Variants in NT5E observed in about 807,000 individuals in gnomAD.
NT5E encodes the protein 5'-nucleotidase ecto.
NT5E carries 53 observed loss-of-function variants against 55.1 expected under a neutral mutation model. The ratio of observed to expected loss-of-function variants is 0.96; its 90% confidence interval spans 0.77 to 1.21. The LOEUF is 1.21. Among genes scored for constraint, NT5E ranks in the 50% most tolerant of loss-of-function variants. The probability of loss-of-function intolerance (pLI) is 0.00; values close to 1 mark genes in which losing one functional copy is unlikely to be tolerated. For missense variants in NT5E, 683 were observed against 724.3 expected, an observed-to-expected ratio of 0.94 and a Z score of 0.65; for synonymous variants, 270 against 278.4, an observed-to-expected ratio of 0.97 and a Z score of 0.30.
chr6:85,491,052 C>A (rs752097027), intron 7 of NT5E: 2 of 532,054 alleles, frequency 3.8e-6, no homozygotes, highest in African/African-American at 1.9e-5. Flanking sequence ...GGAATGCTGT[C>A]CAATCTGTAT....
chr6:85,476,868 G>A (rs1769447745), intron 3 of NT5E, among the ~76,000 whole-genome samples: 3 of 152,206 alleles, frequency 2.0e-5, no homozygotes, highest in South Asian at 2.1e-4. Context: ...TCCACTGCCA[G>A]TGGATCCTGG....
Position 85,450,546 on chromosome 6 carries a change from C to T in NT5E, c.339+68C>T, listed in dbSNP as rs780937795. ...GAGAGGAGCCGGGCTGGAAAAGCAG[C>T]GGATGGCAGAGTGTGGCAAGCCTAG... On this transcript the variant is annotated intron_variant, in intron 1 of 8. Transcript: ENST00000257770. The surrounding 1 kb of genome is among the most constrained non-coding windows in gnomAD (Gnocchi z 4.0). 3 of 1,436,544 alleles carry T rather than the reference C, an allele frequency of 2.1e-6. No homozygotes were observed. The highest frequency in any genetic ancestry group is 2.5e-5 in the East Asian group (1 of 40,624). The allele number at this position is 1,436,544 out of a possible 1,614,324, so 89.0% of individuals were successfully genotyped here.
chr6:85,486,913 A>T (rs1769677486), intron 4 of NT5E, among the ~76,000 whole-genome samples: 1 of 152,202 alleles, frequency 6.6e-6, no homozygotes, highest in South Asian at 2.1e-4. Context: ...CACAGCACCC[A>T]GGTGAGCCTG....
chr6:85,467,128 A>G lies in NT5E; in HGVS notation c.408A>G (p.Lys136=). The G allele has an allele frequency of 6.2e-7, 1 of 1,614,158 alleles. No individual in the cohort carries two copies. The highest frequency in any genetic ancestry group is 8.5e-7 in the Non-Finnish European group (1 of 1,180,024). ...GLIEPLLKEA[K]FPILSANIKA... The stretch of plus-strand genomic sequence containing the variant: ...TCGAGCCACTCCTCAAAGAGGCCAA[A>G]TTTCCAATTCTGAGTGCAAACATTA... The change falls in exon 2 of 9, where the codon AAA becomes AAG. Residue 136 remains lysine, a synonymous_variant. Coordinates refer to ENST00000257770, the MANE Select transcript of NT5E (RefSeq NM_002526.4).
chr6:85,480,582 T>C (rs1006195032), intron 3 of NT5E, among the ~76,000 whole-genome samples: 9 of 152,230 alleles, frequency 5.9e-5, no homozygotes, highest in Admixed American at 5.9e-4. Flanking sequence ...ACTGGAGAGC[T>C]GGAGGGACTG....
chr6:85,481,240 A>AT (rs956327052), intron 3 of NT5E, among the ~76,000 whole-genome samples: 3 of 152,208 alleles, frequency 2.0e-5, no homozygotes, highest in African/African-American at 7.2e-5. Flanking sequence ...CCCTGATCAG[A>AT]TTTTTTAAAA....
intron 3 of NT5E, among the ~76,000 whole-genome samples, chr6:85,479,445 C>A (rs779799731): frequency 2.2e-4 from 33 of 152,192 alleles, no homozygotes; most frequent in Non-Finnish European, 4.6e-4. Flanking sequence ...GCCTTCCATT[C>A]CAGATGACCT....
chr6:85,474,534 C>G (rs1351103865), intron 3 of NT5E, among the ~76,000 whole-genome samples: 1 of 152,182 alleles, frequency 6.6e-6, no homozygotes, highest in African/African-American at 2.4e-5. Flanking sequence ...ATAACTAATA[C>G]TTAGTCATTT....
At chr6:85,490,698 C>T (rs1219443184) in intron 7 of NT5E, 41 bp downstream of exon 7, 2 of 1,610,478 alleles carry the variant, frequency 1.2e-6, no homozygotes, top group Non-Finnish European at 1.7e-6. Flanking sequence ...TCCAAAGTGA[C>T]ATGGCATTTC....
intron 7 of NT5E, among the ~76,000 whole-genome samples, chr6:85,491,521 C>T (rs755593671): frequency 3.7e-4 from 56 of 152,334 alleles, no homozygotes; most frequent in Middle Eastern, 3.4e-3. Flanking sequence ...GAGGGAAAAG[C>T]AGTTTTCTGA....
chr6:85,454,428 A>G (rs2127753731), intron 1 of NT5E, among the ~76,000 whole-genome samples: 1 of 152,312 alleles, frequency 6.6e-6, no homozygotes, highest in East Asian at 1.9e-4. Flanking sequence ...ATAACTAGTG[A>G]GTTTGGACAT....
chr6:85,455,626 T>C (rs900622192), intron 1 of NT5E, among the ~76,000 whole-genome samples: 1 of 152,296 alleles, frequency 6.6e-6, no homozygotes, highest in African/African-American at 2.4e-5. Context: ...AGCAAGTTAA[T>C]TGAAGCCAAG....
At chr6:85,453,497 A>C (rs1398766999) in intron 1 of NT5E, among the ~76,000 whole-genome samples, 3 of 152,162 alleles carry the variant, frequency 2.0e-5, no homozygotes, top group African/African-American at 7.2e-5. Flanking sequence ...ACCATTGCCT[A>C]AACTATTTTT....
rs1471100412 is a variant in NT5E, at chr6:85,494,256, T to G, written c.*252T>G. 2.1e-6 allele frequency: 1 copy of G among 479,572 alleles called. No individual in the cohort carries two copies. Among genetic ancestry groups the G allele is most frequent in the Non-Finnish European group, 3.7e-6 (1 of 271,698 alleles). The allele number at this position is 479,572 out of a possible 1,614,324, so 29.7% of individuals were successfully genotyped here. ...CTATGTTAAGTTTACGTGTCCAAAT[T>G]TTAATGAAATTTTACTAACAATTTT... On this transcript the variant is annotated 3_prime_UTR_variant, in exon 9 of 9. Transcript: ENST00000257770.
chr6:85,489,461 A>T, intron 5 of NT5E, 33 bp from the exon 6 acceptor site: 1 of 1,459,762 alleles, frequency 6.9e-7, no homozygotes. Context: ...GAAGAGCCAG[A>T]GTAACTAGTG....
Position 85,467,309 on chromosome 6 carries a change from T to C in NT5E, c.562+27T>C, listed in dbSNP as rs2127720395. 5.7e-6 allele frequency: 9 copies of C among 1,571,566 alleles called. No individual in the cohort carries two copies. The East Asian group carries it at 1.8e-4, about 31-fold the overall frequency. Reference sequence around the variant, plus strand: ...TATTTTCTACTTTTATAGCACTCAATGCTTGAAAATAGATGCCCTAAATCA... The same window carrying C: ...TATTTTCTACTTTTATAGCACTCAACGCTTGAAAATAGATGCCCTAAATCA... On this transcript the variant is annotated intron_variant, in intron 2 of 8. Transcript: ENST00000257770.
At chr6:85,471,890 G>A (rs981524118) in intron 3 of NT5E, among the ~76,000 whole-genome samples, 3 of 152,150 alleles carry the variant, frequency 2.0e-5, no homozygotes, top group Non-Finnish European at 2.9e-5. Context: ...CCTCGAGTGT[G>A]AGTCCTAACT....
intron 3 of NT5E, among the ~76,000 whole-genome samples, chr6:85,478,771 T>C (rs1222519032): frequency 6.6e-6 from 1 of 151,458 alleles, no homozygotes; most frequent in African/African-American, 2.4e-5. Flanking sequence ...AGAACTGACA[T>C]ATTTATCTTA....
chr6:85,472,852 C>T (rs962051837), intron 3 of NT5E, among the ~76,000 whole-genome samples: 7 of 151,824 alleles, frequency 4.6e-5, no homozygotes, highest in African/African-American at 1.7e-4. Context: ...TAATTTCAAA[C>T]TGAGTTAAAC....
Sources: gnomAD v4.1 joint callset for allele counts (sites outside exome capture counted in the v4.1 genomes callset) on GRCh38, gnomAD v4.1.1 for gene constraint, Gnocchi (gnomAD v3.1) non-coding constraint, MANE v1.5 for transcripts, NCBI Gene and HGNC (gene_info 2026-07-23, HGNC 2026-07-21) for gene names.